Variants in DNER observed in about 807,000 individuals in gnomAD.
DNER encodes delta and Notch-like epidermal growth factor-related receptor.
In DNER, 33 loss-of-function variants were observed where a neutral mutation model predicts 78.2. That is an observed-to-expected ratio of 0.42 (90% CI 0.32 to 0.56). DNER has a LOEUF of 0.56. Ranked by LOEUF, DNER falls within the 20% of genes least tolerant of loss-of-function variation. DNER has a pLI of 0.11. For missense variants in DNER, 918 were observed against 975.3 expected (o/e 0.94, Z 0.78); for synonymous variants, 417 against 384.8 (o/e 1.08, Z -0.98).
chr2:229,661,618 A>T (rs1471179783), intron 1 of DNER, among the ~76,000 whole-genome samples: 1 of 152,226 alleles, frequency 6.6e-6, no homozygotes, highest in Non-Finnish European at 1.5e-5. Context: ...AAAGTTAACA[A>T]AAAAGAAAAA....
chr2:229,410,211 C>T (rs79365566), intron 9 of DNER, among the ~76,000 whole-genome samples: 9,326 of 152,246 alleles, frequency 0.061, 291 homozygotes, highest in South Asian at 0.092. Context: ...CAACACAGAC[C>T]ACATTCTTCC....
intron 7 of DNER, among the ~76,000 whole-genome samples, chr2:229,462,990 G>A (rs1052510815): frequency 4.6e-5 from 7 of 152,062 alleles, no homozygotes; most frequent in South Asian, 2.1e-4. Flanking sequence ...TCTCCTGATC[G>A]CCTCATCCTA....
At chr2:229,529,666 C>G (rs1171079501) in intron 5 of DNER, among the ~76,000 whole-genome samples, 1 of 151,416 alleles carries the variant, frequency 6.6e-6, no homozygotes, top group Non-Finnish European at 1.5e-5. Flanking sequence ...CAGAGAATTA[C>G]AAGAAAAAAA....
intron 1 of DNER, among the ~76,000 whole-genome samples, chr2:229,659,794 T>C (rs1470628455): frequency 6.6e-6 from 1 of 152,210 alleles, no homozygotes; most frequent in African/African-American, 2.4e-5. Flanking sequence ...TTACATTATA[T>C]ATTATGTATG....
At chr2:229,480,680 T>C (rs969642342) in intron 6 of DNER, among the ~76,000 whole-genome samples, 15 of 152,210 alleles carry the variant, frequency 9.9e-5, no homozygotes, top group African/African-American at 2.7e-4. Flanking sequence ...TGGGTAAAGA[T>C]ACTGAGGTCT....
rs1329594951 is a variant in DNER, at chr2:229,498,776, G to T, written c.1147+14007C>A. Among the ~76,000 whole-genome samples the T allele has an allele frequency of 2.0e-5, 3 of 152,090 alleles. No individual in the cohort carries two copies. In the South Asian group the frequency reaches 6.2e-4, roughly 32 times the overall value. Reference sequence around the variant, plus strand: ...AAAATTGAAGAAGACAAAAATAAATGGAAAGATTTCCTGTGTTCATGGATG... The same window carrying T: ...AAAATTGAAGAAGACAAAAATAAATTGAAAGATTTCCTGTGTTCATGGATG... On this transcript the variant is annotated intron_variant, in intron 6 of 12. Transcript: ENST00000341772.
intron 10 of DNER, among the ~76,000 whole-genome samples, chr2:229,393,780 G>T (rs1693070822): frequency 6.6e-6 from 1 of 151,966 alleles, no homozygotes; most frequent in Non-Finnish European, 1.5e-5. Flanking sequence ...CTGGGAGTTG[G>T]AGCTTGCAGT....
chr2:229,586,158 A>C, intron 3 of DNER, 134 bp from the exon 4 acceptor site: 1 of 1,109,348 alleles, frequency 9.0e-7, no homozygotes, highest in Non-Finnish European at 1.2e-6. Flanking sequence ...TGGCATAAAC[A>C]GATACGCGGG....
chr2:229,605,244 C>T (rs7599313), intron 1 of DNER, among the ~76,000 whole-genome samples: 2,505 of 152,170 alleles, frequency 0.016, 75 homozygotes, highest in African/African-American at 0.056. Context: ...ACAACAGAGA[C>T]GGGAGTTTCT....
At chr2:229,443,081 C>G (rs1694269177) in intron 8 of DNER, among the ~76,000 whole-genome samples, 1 of 151,940 alleles carries the variant, frequency 6.6e-6, no homozygotes, top group African/African-American at 2.4e-5. Context: ...TGATGAGCAT[C>G]TTAGATCTTG....
chr2:229,680,213 C>T (rs958356495), intron 1 of DNER, among the ~76,000 whole-genome samples: 2 of 152,012 alleles, frequency 1.3e-5, no homozygotes, highest in African/African-American at 2.4e-5. Context: ...CATATGGTCC[C>T]GGGTATGGAA....
Position 229,407,216 on chromosome 2 carries a change from C to T in DNER, c.1723+16G>A, listed in dbSNP as rs762310729. ...TTTGTGGTAAATTTGAAAACTCAGTCCCTGGAATCACTTGCCTGTAAACCC... is the reference window on the plus strand; with the variant it reads ...TTTGTGGTAAATTTGAAAACTCAGTTCCTGGAATCACTTGCCTGTAAACCC... On this transcript the variant is annotated intron_variant, in intron 10 of 12. Coordinates refer to ENST00000341772, the MANE Select transcript of DNER (RefSeq NM_139072.4). 3 of 1,593,712 alleles carry T rather than the reference C, an allele frequency of 1.9e-6. No homozygotes were observed. The highest frequency in any genetic ancestry group is 3.4e-5 in the Admixed American group (2 of 58,992).
At chr2:229,615,648 C>T (rs542009441) in intron 1 of DNER, among the ~76,000 whole-genome samples, 15 of 152,226 alleles carry the variant, frequency 9.9e-5, no homozygotes, top group African/African-American at 3.6e-4. Context: ...GGAGGCAGAG[C>T]TTGCAGTGAG....
At chr2:229,575,836 A>G (rs553818993) in intron 4 of DNER, among the ~76,000 whole-genome samples, 1 of 152,202 alleles carries the variant, frequency 6.6e-6, no homozygotes, top group Non-Finnish European at 1.5e-5. Flanking sequence ...AGGCCAACTA[A>G]TTTTTTTAAA....
At chr2:229,626,080 T>C (rs757448860) in intron 1 of DNER, among the ~76,000 whole-genome samples, 6 of 152,084 alleles carry the variant, frequency 3.9e-5, no homozygotes, top group Non-Finnish European at 7.4e-5. Flanking sequence ...CAACAGTGCC[T>C]GGCTAATTTT....
intron 5 of DNER, 40 bp downstream of exon 5, chr2:229,546,907 G>T (rs1156503176): frequency 6.2e-7 from 1 of 1,612,436 alleles, no homozygotes; most frequent in Admixed American, 1.7e-5. Context: ...AAATATTCAT[G>T]TAAATATGTG....
At chr2:229,607,538 A>C (rs1697961259) in intron 1 of DNER, among the ~76,000 whole-genome samples, 1 of 152,226 alleles carries the variant, frequency 6.6e-6, no homozygotes, top group Admixed American at 6.5e-5. Context: ...TGATCTAAAC[A>C]CAAATGAGAG....
At chr2:229,563,306 CCAT>C (rs1326410236) in intron 4 of DNER, among the ~76,000 whole-genome samples, 4 of 146,800 alleles carry the variant, frequency 2.7e-5, no homozygotes, top group Non-Finnish European at 3.0e-5. Flanking sequence ...CATCCCATCA[CCAT>C]CATCATCAAC....
At chr2:229,450,133 C>G (rs984806044) in intron 7 of DNER, among the ~76,000 whole-genome samples, 3 of 152,174 alleles carry the variant, frequency 2.0e-5, no homozygotes, top group Non-Finnish European at 2.9e-5. Context: ...TCCAGAAGAA[C>G]TGAACTAATG....
Sources: allele counts gnomAD v4.1 joint callset (sites outside exome capture counted in the v4.1 genomes callset), GRCh38; gene constraint gnomAD v4.1.1; transcripts MANE v1.5; gene names NCBI Gene and HGNC (gene_info 2026-07-23, HGNC 2026-07-21).